The following ZNF536 variants were observed in gnomAD, a reference collection of about 807,000 sequenced individuals.
ZNF536 encodes the protein zinc finger protein 536.
In ZNF536, 13 loss-of-function variants were observed where a neutral mutation model predicts 84.5. The ratio of observed to expected loss-of-function variants is 0.15; its 90% CI spans 0.10 to 0.24. ZNF536 has a LOEUF of 0.24. Among genes scored for constraint, ZNF536 ranks in the 10% least tolerant of loss-of-function variants. The pLI, the probability that ZNF536 is intolerant of heterozygous loss-of-function variation, is 1.00. For missense variants in ZNF536, 1,536 were observed against 1,747.5 expected, an observed-to-expected ratio of 0.88 and a Z score of 2.16; for synonymous variants, 811 against 742.5, an observed-to-expected ratio of 1.09 and a Z score of -1.50.
intron 2 of ZNF536, among the ~76,000 whole-genome samples, chr19:30,498,199 T>C (rs1257442779): frequency 1.3e-5 from 2 of 152,204 alleles, no homozygotes; most frequent in Admixed American, 1.3e-4. Context: ...AAATGACCGT[T>C]AATGATAGAC....
chr19:30,575,927 C>T (rs1057271702), intron 1 of ZNF536, among the ~76,000 whole-genome samples: 1 of 152,158 alleles, frequency 6.6e-6, no homozygotes, highest in Non-Finnish European at 1.5e-5. Context: ...ATGGCCTAGG[C>T]CTTGTGGCCA....
chr19:30,504,268 C>G (rs11668366), intron 2 of ZNF536, among the ~76,000 whole-genome samples: 1 of 147,088 alleles, frequency 6.8e-6, no homozygotes, highest in Non-Finnish European at 1.5e-5. Flanking sequence ...CCTTTCCTCC[C>G]TCCCTCCCTC....
intron 1 of ZNF536, among the ~76,000 whole-genome samples, chr19:30,396,297 G>T (rs756192098): frequency 1.3e-5 from 2 of 152,192 alleles, no homozygotes; most frequent in Non-Finnish European, 2.9e-5. Flanking sequence ...TCAAATAAGA[G>T]ATCACATGAT....
At chr19:30,254,466 C>T (rs1373180014) in intron 1 of ZNF536, among the ~76,000 whole-genome samples, 1 of 151,508 alleles carries the variant, frequency 6.6e-6, no homozygotes, top group Non-Finnish European at 1.5e-5. Context: ...GAACACAGCC[C>T]GCCTTATTGT....
At chr19:30,431,182 C>T (rs984203833) in intron 1 of ZNF536, among the ~76,000 whole-genome samples, 3 of 152,200 alleles carry the variant, frequency 2.0e-5, no homozygotes, top group Admixed American at 6.5e-5. Context: ...GGGCCACCTG[C>T]AGCCAGCTCC....
chr19:30,247,840 C>T (rs1463116266), intron 1 of ZNF536, among the ~76,000 whole-genome samples: 1 of 152,162 alleles, frequency 6.6e-6, no homozygotes, highest in Non-Finnish European at 1.5e-5. Flanking sequence ...CTGTCACTTA[C>T]AGAAAATTAT....
chr19:30,610,740 G>C (rs1260749637), intron 1 of ZNF536, among the ~76,000 whole-genome samples: 1 of 152,128 alleles, frequency 6.6e-6, no homozygotes, highest in African/African-American at 2.4e-5. Context: ...TCACCCGACT[G>C]TCATTGCTGC....
At chr19:30,540,159 G>T (rs2045272029) in intron 3 of ZNF536, among the ~76,000 whole-genome samples, 2 of 152,154 alleles carry the variant, frequency 1.3e-5, no homozygotes, top group African/African-American at 4.8e-5. Context: ...GAGGGGTTCA[G>T]CATTGGGCTG....
intron 1 of ZNF536, among the ~76,000 whole-genome samples, chr19:30,636,919 T>C (rs2049090361): frequency 6.6e-6 from 1 of 152,186 alleles, no homozygotes; most frequent in East Asian, 1.9e-4. Context: ...AAGTCAGGGC[T>C]GGAAACACAG....
At chr19:30,262,870 A>T (rs560624766) in intron 1 of ZNF536, among the ~76,000 whole-genome samples, 141 of 152,222 alleles carry the variant, frequency 9.3e-4, no homozygotes, top group African/African-American at 3.3e-3. Flanking sequence ...TCCAAGGAGG[A>T]TGAGATATAA....
intron 2 of ZNF536, among the ~76,000 whole-genome samples, chr19:30,338,219 A>G (rs997625993): frequency 4.0e-5 from 6 of 151,868 alleles, no homozygotes; most frequent in Non-Finnish European, 7.4e-5. Flanking sequence ...GGTGGTGATT[A>G]TAACAATGTT....
At chr19:30,522,850 G>A (rs958621642) in intron 2 of ZNF536, among the ~76,000 whole-genome samples, 1 of 152,110 alleles carries the variant, frequency 6.6e-6, no homozygotes, top group East Asian at 1.9e-4. Flanking sequence ...ATATATTTGT[G>A]TTTATACATG....
At chr19:30,702,517 G>T (rs2052028681) in intron 1 of ZNF536, among the ~76,000 whole-genome samples, 2 of 152,190 alleles carry the variant, frequency 1.3e-5, no homozygotes, top group African/African-American at 2.4e-5. Context: ...GATAAAGATA[G>T]ATGGGGATTG....
At chr19:30,402,823 A>ATATAT (rs71171802) in intron 1 of ZNF536, among the ~76,000 whole-genome samples, 11 of 138,330 alleles carry the variant, frequency 8.0e-5, no homozygotes, top group East Asian at 4.1e-4. Context: ...ATATATATAT[A>ATATAT]ATTTTCAAAA....
intron 2 of ZNF536, among the ~76,000 whole-genome samples, chr19:30,316,721 C>T (rs2046690550): frequency 1.3e-5 from 2 of 152,122 alleles, no homozygotes; most frequent in African/African-American, 4.8e-5. Flanking sequence ...GGGTGCCATT[C>T]CAGGTGTGTG....
intron 1 of ZNF536, among the ~76,000 whole-genome samples, chr19:30,706,944 C>A (rs2052262524): frequency 6.6e-6 from 1 of 152,156 alleles, no homozygotes; most frequent in African/African-American, 2.4e-5. Flanking sequence ...CGGTGTCTTG[C>A]TCCTTCTTTA....
In ZNF536 at chr19:30,234,775, G is replaced by A. The variant is rs372272608; in HGVS notation, c.-190+6102G>A. Among the ~76,000 whole-genome samples the A allele has an allele frequency of 4.6e-4, 68 of 146,972 alleles. No homozygotes were observed. In the Middle Eastern group the frequency reaches 0.011, roughly 23 times the overall value. ...CACACACACACACACACACACACAC[G>A]CGCACACGCACCCCACACCACGAAG... On this transcript the variant is annotated intron_variant, in intron 1 of 5. Transcript: ENST00000585628.
chr19:30,686,786 C>A (rs1156892638), intron 1 of ZNF536, among the ~76,000 whole-genome samples: 2 of 152,240 alleles, frequency 1.3e-5, no homozygotes, highest in East Asian at 3.9e-4. Context: ...AGCCCTCCCC[C>A]CACTCCCCCC....
intron 2 of ZNF536, among the ~76,000 whole-genome samples, chr19:30,530,943 G>T (rs186487433): frequency 1.7e-3 from 261 of 152,302 alleles, no homozygotes; most frequent in African/African-American, 6.1e-3. Context: ...GCACAGGCTG[G>T]GGCTCACGCA....
Sources: allele counts gnomAD v4.1 joint callset (sites outside exome capture counted in the v4.1 genomes callset), GRCh38; gene constraint gnomAD v4.1.1; transcripts MANE v1.5; gene names NCBI Gene and HGNC (gene_info 2026-07-23, HGNC 2026-07-21).